TYW1: variants seen among roughly 807,000 people sequenced by gnomAD.
TYW1 encodes the protein tRNA-yW synthesizing protein 1 homolog.
A neutral mutation model predicts 96.2 loss-of-function variants in TYW1; 46 were observed. That is an observed-to-expected ratio of 0.48 (90% CI 0.38 to 0.61). TYW1 has a LOEUF of 0.61. Ranked by LOEUF, TYW1 falls within the 20% of genes least tolerant of loss-of-function variation. TYW1 has a pLI of 0.00. For synonymous variants in TYW1, 274 were observed against 323.0 expected (o/e 0.85, Z 1.63); for missense variants, 684 against 909.6 (o/e 0.75, Z 3.19).
In TYW1 at chr7:67,189,256, G is replaced by A. The variant is rs527259195; in HGVS notation, c.1810-5914G>A. Among the ~76,000 whole-genome samples the A allele has an allele frequency of 2.0e-5, 3 of 152,198 alleles. No homozygotes were observed. In the East Asian group the frequency reaches 5.8e-4, roughly 29 times the overall value. Reference sequence around the variant, plus strand: ...TGGCGTCATGGCCAGGCATGCCCTCGGCATCTTTTCTCCCTGACGTGTGAG... The same window carrying A: ...TGGCGTCATGGCCAGGCATGCCCTCAGCATCTTTTCTCCCTGACGTGTGAG... On this transcript the variant is annotated intron_variant, in intron 14 of 15. Coordinates refer to ENST00000359626, the MANE Select transcript of TYW1 (RefSeq NM_018264.4).
intron 14 of TYW1, among the ~76,000 whole-genome samples, chr7:67,190,349 G>A (rs1261893071): frequency 1.3e-5 from 2 of 152,368 alleles, no homozygotes; most frequent in East Asian, 3.9e-4. Context: ...ATAGGAGAAT[G>A]TCTGACTTGA....
chr7:67,040,670 C>A (rs1794987654), intron 7 of TYW1, among the ~76,000 whole-genome samples: 1 of 151,930 alleles, frequency 6.6e-6, no homozygotes, highest in South Asian at 2.1e-4. Flanking sequence ...CATGACGAAA[C>A]CCTATCTCTA....
chr7:67,207,627 T>C (rs539023238), intron 15 of TYW1, among the ~76,000 whole-genome samples: 5 of 151,864 alleles, frequency 3.3e-5, no homozygotes, highest in East Asian at 3.9e-4. Context: ...AAGTAGAACA[T>C]TGAAAATTCC....
chr7:67,001,521 A>C (rs1584448151), intron 3 of TYW1, among the ~76,000 whole-genome samples: 1 of 151,454 alleles, frequency 6.6e-6, no homozygotes, highest in Admixed American at 6.6e-5. Context: ...TCCCGGGTTC[A>C]AGCGATTCTT....
chr7:67,138,556 A>G (rs12535931), intron 13 of TYW1, among the ~76,000 whole-genome samples: 6,140 of 152,142 alleles, frequency 0.04, 166 homozygotes, highest in Middle Eastern at 0.099. Flanking sequence ...TTGTGCTATC[A>G]AAGACTAGGT....
intron 7 of TYW1, among the ~76,000 whole-genome samples, chr7:67,041,931 T>C (rs1795036304): frequency 6.6e-6 from 1 of 150,718 alleles, no homozygotes; most frequent in Non-Finnish European, 1.5e-5. Flanking sequence ...TCCAGCCGCA[T>C]TGTATTTTCT....
chr7:67,207,316 C>T (rs1009789770), intron 15 of TYW1, among the ~76,000 whole-genome samples: 2 of 152,180 alleles, frequency 1.3e-5, no homozygotes, highest in South Asian at 4.1e-4. Flanking sequence ...GTCTTCCCTT[C>T]TGGAATCAGA....
chr7:67,005,437 A>T (rs1793542275), intron 3 of TYW1, among the ~76,000 whole-genome samples: 3 of 152,194 alleles, frequency 2.0e-5, no homozygotes, highest in Admixed American at 6.5e-5. Context: ...CTCTACAAAA[A>T]ATTCAAAAAT....
Position 67,091,328 on chromosome 7 carries a change from A to G in TYW1, c.1385-7213A>G, listed in dbSNP as rs1796711263. 2.0e-5 allele frequency among the ~76,000 whole-genome samples: 3 copies of G among 149,612 alleles called. No homozygotes were observed. In the East Asian group the frequency reaches 6.0e-4, roughly 30 times the overall value. On this transcript the variant is annotated intron_variant, in intron 11 of 15. Coordinates refer to ENST00000359626, the MANE Select transcript of TYW1 (RefSeq NM_018264.4). The stretch of plus-strand genomic sequence containing the variant: ...CTATCACAAGGACAGAAAACCAAAC[A>G]CTGCATGTTCTCACTCATAGGTGGG...
At chr7:67,235,959 T>C (rs13239980) in intron 15 of TYW1, among the ~76,000 whole-genome samples, 39,785 of 149,832 alleles carry the variant, frequency 0.27, 5,655 homozygotes, top group African/African-American at 0.36. Context: ...TCCTGGGTGA[T>C]GGCATATGTT....
intron 10 of TYW1, among the ~76,000 whole-genome samples, chr7:67,068,735 T>G (rs1461410869): frequency 6.6e-6 from 1 of 152,232 alleles, no homozygotes. Context: ...AGTCTCAGTC[T>G]CTTTTCTGAG....
intron 7 of TYW1, among the ~76,000 whole-genome samples, chr7:67,038,639 C>T (rs1469567179): frequency 6.6e-6 from 1 of 151,918 alleles, no homozygotes; most frequent in African/African-American, 2.4e-5. Context: ...CATGATGGCT[C>T]ACACCTGTAA....
At chr7:67,155,087 TC>T (rs879274167) in intron 13 of TYW1, among the ~76,000 whole-genome samples, 64 of 152,340 alleles carry the variant, frequency 4.2e-4, no homozygotes, top group Non-Finnish European at 3.1e-4. Flanking sequence ...CCACTGAGTT[TC>T]CCCAAGATCA....
chr7:67,235,340 T>C (rs776394127), intron 15 of TYW1, among the ~76,000 whole-genome samples: 13 of 152,348 alleles, frequency 8.5e-5, no homozygotes, highest in Middle Eastern at 6.8e-3. Flanking sequence ...TCCATAGTTG[T>C]CCCAATTGGC....
At chr7:67,062,494 C>T (rs1795724011) in intron 9 of TYW1, among the ~76,000 whole-genome samples, 1 of 147,974 alleles carries the variant, frequency 6.8e-6, no homozygotes, top group Non-Finnish European at 1.5e-5. Context: ...TGCAATCACC[C>T]AGATGTAGCC....
intron 3 of TYW1, among the ~76,000 whole-genome samples, chr7:67,003,815 G>T (rs1793480069): frequency 6.6e-6 from 1 of 152,002 alleles, no homozygotes; most frequent in Non-Finnish European, 1.5e-5. Context: ...GGCTGAGGCA[G>T]GTGGGTCACT....
chr7:67,029,414 T>TATATATAC (rs1562973615), intron 7 of TYW1, among the ~76,000 whole-genome samples: 2 of 138,368 alleles, frequency 1.4e-5, no homozygotes, highest in Non-Finnish European at 3.1e-5. Context: ...TGTGTGTGTG[T>TATATATAC]GTATATATAT....
chr7:67,064,989 G>A (rs1181334536), intron 9 of TYW1, among the ~76,000 whole-genome samples: 3 of 152,106 alleles, frequency 2.0e-5, no homozygotes, highest in East Asian at 1.9e-4. Flanking sequence ...TTTTTAAAAC[G>A]AAAAACATTC....
At chr7:67,001,525 G>A (rs546263639) in intron 3 of TYW1, among the ~76,000 whole-genome samples, 8 of 151,632 alleles carry the variant, frequency 5.3e-5, no homozygotes, top group African/African-American at 1.9e-4. Context: ...GGGTTCAAGC[G>A]ATTCTTCTGC....
Sources: gnomAD v4.1 joint callset for allele counts (sites outside exome capture counted in the v4.1 genomes callset) on GRCh38, gnomAD v4.1.1 for gene constraint, MANE v1.5 for transcripts, NCBI Gene and HGNC (gene_info 2026-07-23, HGNC 2026-07-21) for gene names.